The following DLGAP2 variants were observed in gnomAD, a reference collection of about 807,000 sequenced individuals.
DLGAP2 encodes the protein DLG associated protein 2.
Under a neutral mutation model 100.3 loss-of-function variants are expected in DLGAP2, and 26 were observed. That is an observed-to-expected ratio of 0.26 (90% CI 0.19 to 0.36). The LOEUF (loss-of-function observed/expected upper bound fraction) is 0.36, where lower values mean the gene tolerates loss of function less well. Among genes scored for constraint, DLGAP2 ranks in the 10% least tolerant of loss-of-function variants. The pLI, the probability that DLGAP2 is intolerant of heterozygous loss-of-function variation, is 1.00. For synonymous variants in DLGAP2, 886 were observed against 630.1 expected (o/e 1.41, Z -6.08); for missense variants, 1,858 against 1,453.2 (o/e 1.28, Z -4.53).
rs1585274406 is a variant in DLGAP2, at chr8:1,338,402, C to T, written c.106+79519C>T. Reference sequence around the variant, plus strand: ...GAGAAGCCAGACTCAAGTCCACCTACTGCATGATTCTATTTATATGAAATG... The same window carrying T: ...GAGAAGCCAGACTCAAGTCCACCTATTGCATGATTCTATTTATATGAAATG... On this transcript the variant is annotated intron_variant, in intron 3 of 14. Coordinates refer to ENST00000637795, the MANE Select transcript of DLGAP2 (RefSeq NM_001346810.2). Among the ~76,000 whole-genome samples the T allele has an allele frequency of 2.6e-5, 4 of 152,290 alleles. No individual in the cohort carries two copies. The South Asian group carries it at 6.2e-4, about 24-fold the overall frequency.
chr8:1,103,164 G>A (rs980502903), intron 2 of DLGAP2, among the ~76,000 whole-genome samples: 1 of 152,154 alleles, frequency 6.6e-6, no homozygotes. Context: ...GAACGGAGGT[G>A]GCCGTGAGTC....
chr8:1,373,081 G>T (rs1802285715), intron 3 of DLGAP2, among the ~76,000 whole-genome samples: 1 of 152,242 alleles, frequency 6.6e-6, no homozygotes, highest in Non-Finnish European at 1.5e-5. Context: ...GGCTTCGCTG[G>T]TGAGTGATGA....
At chr8:1,392,681 T>C (rs1408491275) in intron 3 of DLGAP2, among the ~76,000 whole-genome samples, 9 of 152,234 alleles carry the variant, frequency 5.9e-5, no homozygotes, top group Non-Finnish European at 1.2e-4. Context: ...CTCTGGGGAC[T>C]GGGCCAGGCC....
chr8:1,412,579 G>A (rs1006990639), intron 3 of DLGAP2, among the ~76,000 whole-genome samples: 2 of 152,202 alleles, frequency 1.3e-5, no homozygotes, highest in African/African-American at 2.4e-5. Context: ...TGAGCCCTCA[G>A]ATAAGTTGCT....
At chr8:1,033,808 C>T (rs1802045484) in intron 2 of DLGAP2, among the ~76,000 whole-genome samples, 1 of 146,392 alleles carries the variant, frequency 6.8e-6, no homozygotes, top group Non-Finnish European at 1.5e-5. Context: ...CCCCGCGTGT[C>T]ACCGCGAGTG....
chr8:1,011,066 T>C (rs963756145), intron 2 of DLGAP2, among the ~76,000 whole-genome samples: 2 of 151,636 alleles, frequency 1.3e-5, no homozygotes, highest in South Asian at 2.1e-4. Context: ...GCAAGGGGTC[T>C]CAGTCTACAC....
At chr8:1,623,351 C>A (rs1471718941) in intron 6 of DLGAP2, among the ~76,000 whole-genome samples, 2 of 151,752 alleles carry the variant, frequency 1.3e-5, no homozygotes, top group African/African-American at 4.8e-5. Context: ...TGTGTGAAGA[C>A]CTGTGCGTGA....
At chr8:1,046,473 A>T (rs1170213041) in intron 2 of DLGAP2, among the ~76,000 whole-genome samples, 3 of 152,162 alleles carry the variant, frequency 2.0e-5, no homozygotes, top group Non-Finnish European at 1.5e-5. Flanking sequence ...GGCTGATTCA[A>T]ACCTTTTCTG....
intron 3 of DLGAP2, among the ~76,000 whole-genome samples, chr8:1,283,301 C>T (rs538817765): frequency 4.6e-5 from 7 of 152,142 alleles, no homozygotes; most frequent in East Asian, 3.9e-4. Context: ...GAACCCAGCA[C>T]GTGAACCATC....
At chr8:1,049,667 C>G (rs1312160257) in intron 2 of DLGAP2, among the ~76,000 whole-genome samples, 1 of 152,016 alleles carries the variant, frequency 6.6e-6, no homozygotes, top group Non-Finnish European at 1.5e-5. Context: ...GCAGAGACAT[C>G]CTTCCATGAA....
chr8:1,161,600 G>C (rs1216495184), intron 2 of DLGAP2, among the ~76,000 whole-genome samples: 2 of 152,224 alleles, frequency 1.3e-5, no homozygotes, highest in African/African-American at 4.8e-5. Flanking sequence ...CACAGAATGA[G>C]CTGATGAGAC....
intron 3 of DLGAP2, among the ~76,000 whole-genome samples, chr8:1,278,800 A>G (rs1328950959): frequency 6.6e-6 from 1 of 152,232 alleles, no homozygotes; most frequent in Non-Finnish European, 1.5e-5. Context: ...AAATAATTTC[A>G]GTGTTCCATT....
chr8:1,634,016 T>A (rs1215987557), intron 8 of DLGAP2, among the ~76,000 whole-genome samples: 1 of 152,232 alleles, frequency 6.6e-6, no homozygotes, highest in Non-Finnish European at 1.5e-5. Flanking sequence ...AGATTGCACT[T>A]TGCAGAATTA....
rs140370936 is a variant in DLGAP2 at position 1,548,810 on chromosome 8, C to T, written c.357C>T (p.Pro119=). Residue 119 remains proline (P), a synonymous_variant, in exon 5 of 15, where the codon CCC becomes CCT. Transcript: ENST00000637795. ...ACCACGGGCCCGACGCGCGGCCGCC[C>T]TACCTGCTGAGCCCCGCCGACAGCT... ...HLHHGPDARP[P]YLLSPADSCP... The T allele has an allele frequency of 6.3e-7, 1 of 1,581,676 alleles. No individual in the cohort carries two copies. Among genetic ancestry groups the T allele is most frequent in the Admixed American group, 1.7e-5 (1 of 57,946 alleles).
At chr8:1,444,303 C>A (rs547733728) in intron 3 of DLGAP2, among the ~76,000 whole-genome samples, 2 of 152,304 alleles carry the variant, frequency 1.3e-5, no homozygotes, top group African/African-American at 4.8e-5. Context: ...TTAACCAACT[C>A]CATATTAATG....
intron 1 of DLGAP2, among the ~76,000 whole-genome samples, chr8:790,948 G>A (rs1212530252): frequency 6.6e-6 from 1 of 152,058 alleles, no homozygotes; most frequent in African/African-American, 2.4e-5. Context: ...TCACCATGTT[G>A]CCCAAGGTGG....
chr8:1,088,096 G>C (rs1480381957), intron 2 of DLGAP2, among the ~76,000 whole-genome samples: 2 of 152,222 alleles, frequency 1.3e-5, no homozygotes, highest in South Asian at 2.1e-4. Flanking sequence ...GCCCCACAGG[G>C]GATGTCTGCT....
chr8:1,651,665 C>T (rs116764154), intron 8 of DLGAP2, among the ~76,000 whole-genome samples: 25 of 152,316 alleles, frequency 1.6e-4, no homozygotes, highest in Admixed American at 8.5e-4. Context: ...CCGTTCTCTG[C>T]GTTCACAAAA....
chr8:1,642,215 G>C (rs1320713225), intron 8 of DLGAP2, among the ~76,000 whole-genome samples: 7 of 15,152 alleles, frequency 4.6e-4, no homozygotes, highest in Admixed American at 1.5e-3. Context: ...TGTCACCCTC[G>C]ACCCCGCCGG....
Sources: allele counts gnomAD v4.1 joint callset (sites outside exome capture counted in the v4.1 genomes callset), GRCh38; gene constraint gnomAD v4.1.1; transcripts MANE v1.5; gene names NCBI Gene and HGNC (gene_info 2026-07-23, HGNC 2026-07-21).